Variants in ADIPOR2 observed in about 807,000 individuals in gnomAD.
ADIPOR2 encodes adiponectin receptor 2, also known as adiponectin receptor protein 2.
ADIPOR2 carries 18 observed loss-of-function variants against 40.9 expected under a neutral mutation model. The observed-to-expected ratio is 0.44, with a 90% CI of 0.30 to 0.65. The LOEUF is 0.65. Ranked by LOEUF, ADIPOR2 falls within the 30% of genes least tolerant of loss-of-function variation. ADIPOR2 has a pLI of 0.09. For missense variants in ADIPOR2, 283 were observed against 479.2 expected (o/e 0.59, Z 3.82); for synonymous variants, 165 against 166.4 (o/e 0.99, Z 0.06).
At chr12:1,720,247 T>C (rs2094695210) in intron 1 of ADIPOR2, among the ~76,000 whole-genome samples, 1 of 152,174 alleles carries the variant, frequency 6.6e-6, no homozygotes, top group Non-Finnish European at 1.5e-5. Flanking sequence ...ATTTGACAGA[T>C]ATTTACTGAA....
chr12:1,754,769 T>C (rs1020820673), intron 2 of ADIPOR2, among the ~76,000 whole-genome samples: 1 of 151,874 alleles, frequency 6.6e-6, no homozygotes, highest in African/African-American at 2.4e-5. Context: ...AGTCTCGCTC[T>C]GTCACCCAGG....
intron 1 of ADIPOR2, among the ~76,000 whole-genome samples, chr12:1,743,528 G>C (rs542161153): frequency 1.3e-5 from 2 of 151,850 alleles, no homozygotes; most frequent in East Asian, 3.9e-4. Flanking sequence ...AAATTAGCTG[G>C]GTGTGGTGGG....
At chr12:1,782,987 T>C (rs1262529950) in intron 6 of ADIPOR2, among the ~76,000 whole-genome samples, 5 of 41,312 alleles carry the variant, frequency 1.2e-4, no homozygotes, top group African/African-American at 1.6e-4. Context: ...TTTTTTTTTT[T>C]TTTTTTTTTT....
At chr12:1,746,744 G>A (rs7304843) in intron 1 of ADIPOR2, among the ~76,000 whole-genome samples, 148,314 of 152,336 alleles carry the variant, frequency 0.97, 72,322 homozygotes, top group East Asian at 1. Context: ...GAAGTAGAGT[G>A]GAATTATAGG....
At chr12:1,755,812 G>T (rs970443103) in intron 2 of ADIPOR2, among the ~76,000 whole-genome samples, 1 of 152,100 alleles carries the variant, frequency 6.6e-6, no homozygotes, top group African/African-American at 2.4e-5. Context: ...ATTATAAAGT[G>T]TTAAAAATTA....
chr12:1,752,447 C>T (rs1412708133), intron 1 of ADIPOR2, among the ~76,000 whole-genome samples: 1 of 151,972 alleles, frequency 6.6e-6, no homozygotes. Flanking sequence ...ATTCTACTTG[C>T]TACAGCTTCA....
chr12:1,779,163 C>T (rs1862660566), intron 4 of ADIPOR2, among the ~76,000 whole-genome samples: 1 of 152,174 alleles, frequency 6.6e-6, no homozygotes, highest in Non-Finnish European at 1.5e-5. Flanking sequence ...CAGAAATCAA[C>T]TCCTAGTATA....
At chr12:1,776,034 C>A (rs1459738953) in intron 3 of ADIPOR2, among the ~76,000 whole-genome samples, 2 of 151,972 alleles carry the variant, frequency 1.3e-5, no homozygotes, top group African/African-American at 4.8e-5. Context: ...AACCACAGAC[C>A]CCACGTTTTG....
chr12:1,705,936 G>A (rs546118053), intron 1 of ADIPOR2, among the ~76,000 whole-genome samples: 33 of 152,260 alleles, frequency 2.2e-4, no homozygotes, highest in Non-Finnish European at 3.2e-4. Flanking sequence ...CTTGATCTCC[G>A]TGAACCTCAG....
chr12:1,772,957 G>A lies in ADIPOR2; in HGVS notation c.287G>A (p.Cys96Tyr). 1.2e-6 allele frequency: 2 copies of A among 1,613,374 alleles called. No homozygotes were observed. The highest frequency in any genetic ancestry group is 3.3e-4 in the Middle Eastern group (2 of 6,058). Residue 96 changes from cysteine to tyrosine, a missense_variant, in exon 3 of 8, where the codon TGT (cysteine) becomes TAT (tyrosine). Around this residue, in one of 3 missense-constraint regions of ADIPOR2, gnomAD observed 112 missense variants for 249.5 expected, o/e 0.45. Coordinates refer to ENST00000357103, the MANE Select transcript of ADIPOR2 (RefSeq NM_024551.3). Reference sequence around the variant, plus strand: ...ATGGAAAAAATGGAAGAATTTGTTTGTAAGGTAAGAGTGCAGTTTCTTGTC... The same window carrying A: ...ATGGAAAAAATGGAAGAATTTGTTTATAAGGTAAGAGTGCAGTTTCTTGTC... ...HAMEKMEEFV[C>Y]KVWEGRWRVI...
chr12:1,786,189 G>T lies in ADIPOR2; in HGVS notation c.*117G>T. On this transcript the variant is annotated 3_prime_UTR_variant, in exon 8 of 8. Transcript: ENST00000357103. ...GCCCCAAAACTTTGACAGCCTCGTG[G>T]GCTTTGTGACGGCCCAGTGGCTCTG... is the stretch of plus-strand genomic sequence containing the variant. 7.1e-7 allele frequency: 1 copy of T among 1,415,666 alleles called. No homozygotes were observed. The highest frequency in any genetic ancestry group is 1.4e-5 in the South Asian group (1 of 72,028). The allele number at this position is 1,415,666 out of a possible 1,614,324, so 87.7% of individuals were successfully genotyped here. A position where few individuals can be genotyped will look rare whatever the true frequency, so the allele number is the denominator to read the frequency against.
intron 1 of ADIPOR2, among the ~76,000 whole-genome samples, chr12:1,692,063 C>G (rs1335749050): frequency 6.9e-6 from 1 of 145,756 alleles, no homozygotes; most frequent in African/African-American, 2.5e-5. Flanking sequence ...GTTATTGTCC[C>G]CCATTTCTGT....
At chr12:1,720,335 C>T (rs892468331) in intron 1 of ADIPOR2, among the ~76,000 whole-genome samples, 1 of 152,050 alleles carries the variant, frequency 6.6e-6, no homozygotes, top group Non-Finnish European at 1.5e-5. Flanking sequence ...TTTCCATGGA[C>T]TGGTGGGCAG....
chr12:1,695,082 G>A (rs1042204075), intron 1 of ADIPOR2, among the ~76,000 whole-genome samples: 1 of 148,932 alleles, frequency 6.7e-6, no homozygotes, highest in South Asian at 2.2e-4. Context: ...CACTGGTGCC[G>A]TCATGGCTCT....
At chr12:1,758,005 G>A (rs890847950) in intron 2 of ADIPOR2, 10 of 904,928 alleles carry the variant, frequency 1.1e-5, no homozygotes, top group Admixed American at 1.1e-4. Context: ...TTGGGACCAC[G>A]CGCCATGGCT....
At chr12:1,696,382 CTT>C (rs374037146) in intron 1 of ADIPOR2, 1,649 of 151,576 alleles carry the variant, frequency 0.011, 21 homozygotes, top group Non-Finnish European at 0.017. Context: ...TTTTCTTTCT[CTT>C]TTCTTTTTTC....
chr12:1,737,807 T>G (rs1046575917), intron 1 of ADIPOR2, among the ~76,000 whole-genome samples: 6 of 152,148 alleles, frequency 3.9e-5, no homozygotes, highest in African/African-American at 1.2e-4. Flanking sequence ...CCATCTTGGC[T>G]TCCCAAAGTG....
At position 1,756,359 on chromosome 12, in the gene ADIPOR2, C is replaced by G. The variant is rs544757904; in HGVS notation, c.171+1845C>G. 7.2e-4 allele frequency among the ~76,000 whole-genome samples: 109 copies of G among 151,908 alleles called. 1 individual carries two copies. The highest frequency in any genetic ancestry group is 2.3e-3 in the African/African-American group (97 of 41,446). On this transcript the variant is annotated intron_variant, in intron 2 of 7. Transcript: ENST00000357103. ...AGAGACGGGGTTTCACCATGTTGGC[C>G]AGGCTGGTCTTAAACTCCTGACTTC...
intron 3 of ADIPOR2, among the ~76,000 whole-genome samples, chr12:1,776,861 CT>C: frequency 6.6e-6 from 1 of 152,320 alleles, no homozygotes; most frequent in Admixed American, 6.5e-5. Context: ...GGATTACTAA[CT>C]AATTCATGAA....
Sources: gnomAD v4.1 joint callset for allele counts (sites outside exome capture counted in the v4.1 genomes callset) on GRCh38, gnomAD v4.1.1 for gene constraint, gnomAD v4.1.1 regional missense constraint, MANE v1.5 for transcripts, NCBI Gene and HGNC (gene_info 2026-07-23, HGNC 2026-07-21) for gene names.